SORBS2: variants seen among roughly 807,000 people sequenced by gnomAD.
The protein encoded by SORBS2 is sorbin and SH3 domain-containing protein 2.
SORBS2 carries 46 observed loss-of-function variants against 97.7 expected under a neutral mutation model. The ratio of observed to expected loss-of-function variants is 0.47; its 90% CI spans 0.37 to 0.60. SORBS2 has a LOEUF of 0.60. Among genes scored for constraint, SORBS2 ranks in the 20% least tolerant of loss-of-function variants. The pLI is 0.00. For synonymous variants in SORBS2, 476 were observed against 473.4 expected, an observed-to-expected ratio of 1.01 and a Z score of -0.07; for missense variants, 1,316 against 1,282.3, an observed-to-expected ratio of 1.03 and a Z score of -0.40.
intron 4 of SORBS2, chr4:185,674,971 C>G (rs1004175208): frequency 6.6e-6 from 1 of 152,186 alleles, no homozygotes; most frequent in African/African-American, 2.4e-5. Flanking sequence ...TCCTGCCACA[C>G]ACAGACAAAT....
chr4:185,806,521 G>C (rs1431242268), intron 1 of SORBS2, among the ~76,000 whole-genome samples: 7 of 133,440 alleles, frequency 5.2e-5, no homozygotes, highest in Admixed American at 8.1e-5. Context: ...GCAGTGGCGG[G>C]ATCTCGGCTC....
At chr4:185,789,537 T>A (rs1166707568) in intron 1 of SORBS2, among the ~76,000 whole-genome samples, 1 of 150,650 alleles carries the variant, frequency 6.6e-6, no homozygotes, top group East Asian at 1.9e-4. Context: ...ATGGAATATA[T>A]TTATATATAA....
rs1281888977 is a variant in SORBS2 at position 185,731,896 on chromosome 4, ATATATATATATATG to A, written c.-198+43317_-198+43330del. The stretch of plus-strand genomic sequence containing the variant: ...TATATATATATATATATATATATAT[ATATATATATATATG>A]TCTGTTTCTCTGTCTCACTCTAGAT... On this transcript the variant is annotated intron_variant, in intron 2 of 20. Transcript: ENST00000284776. 1.1e-3 allele frequency among the ~76,000 whole-genome samples: 100 copies of A among 90,750 alleles called. 1 individual carries two copies. The highest frequency in any genetic ancestry group is 2.4e-3 in the African/African-American group (55 of 22,658). 59.5% of individuals were successfully genotyped at this position (90,750 alleles called of 152,430 possible).
chr4:185,862,898 A>G (rs1444772722), intron 1 of SORBS2, among the ~76,000 whole-genome samples: 1 of 152,100 alleles, frequency 6.6e-6, no homozygotes, highest in African/African-American at 2.4e-5. Flanking sequence ...GGCAGCTGGT[A>G]CAATTTGTTA....
chr4:185,941,261 G>A (rs573726227), intron 1 of SORBS2, among the ~76,000 whole-genome samples: 2 of 152,280 alleles, frequency 1.3e-5, no homozygotes, highest in East Asian at 1.9e-4. Flanking sequence ...ATTAAGGCAG[G>A]AAAAGGTTAA....
chr4:185,909,193 T>C (rs1030740369), intron 1 of SORBS2, among the ~76,000 whole-genome samples: 20 of 152,314 alleles, frequency 1.3e-4, no homozygotes, highest in Middle Eastern at 3.4e-3. Context: ...GTGGTATATA[T>C]ACAATGGAAT....
intron 1 of SORBS2, among the ~76,000 whole-genome samples, chr4:185,813,640 C>T (rs1017183895): frequency 1.3e-5 from 2 of 152,242 alleles, no homozygotes; most frequent in Non-Finnish European, 2.9e-5. Context: ...CCTTGCCCTG[C>T]AGATGCTGCT....
intron 4 of SORBS2, among the ~76,000 whole-genome samples, chr4:185,667,687 G>GATATAT (rs887494705): frequency 0.032 from 229 of 7,122 alleles, 1 homozygote; most frequent in Admixed American, 0.067. Context: ...TTTTAAATGT[G>GATATAT]ATATATATAT....
intron 2 of SORBS2, among the ~76,000 whole-genome samples, chr4:185,694,397 AG>A (rs2153522663): frequency 6.6e-6 from 1 of 152,354 alleles, no homozygotes; most frequent in South Asian, 2.1e-4. Context: ...CTTGAGCCTT[AG>A]CAGACAATCC....
intron 4 of SORBS2, among the ~76,000 whole-genome samples, chr4:185,670,082 G>C (rs755965263): frequency 6.6e-6 from 1 of 152,020 alleles, no homozygotes; most frequent in Non-Finnish European, 1.5e-5. Context: ...AGCCAGGCGT[G>C]ATGGCAGGTG....
intron 1 of SORBS2, among the ~76,000 whole-genome samples, chr4:185,828,748 C>T (rs1476001384): frequency 6.6e-6 from 1 of 152,154 alleles, no homozygotes. Context: ...TGCCCCTCTA[C>T]TGCCATTCCT....
chr4:185,911,283 A>G (rs1277869563), intron 1 of SORBS2, among the ~76,000 whole-genome samples: 4 of 152,152 alleles, frequency 2.6e-5, no homozygotes, highest in African/African-American at 9.7e-5. Flanking sequence ...GCTGGAGTGC[A>G]GTGGCATGAT....
At chr4:185,721,975 G>GA (rs1291545253) in intron 2 of SORBS2, among the ~76,000 whole-genome samples, 2 of 151,726 alleles carry the variant, frequency 1.3e-5, no homozygotes, top group African/African-American at 4.8e-5. Context: ...AGTCAAGGAA[G>GA]AAAAAAAATG....
intron 2 of SORBS2, among the ~76,000 whole-genome samples, chr4:185,766,988 A>T (rs965360029): frequency 7.2e-5 from 11 of 152,060 alleles, no homozygotes; most frequent in Non-Finnish European, 1.5e-4. Context: ...AAACTGTGTC[A>T]ATTTCCTAAC....
At chr4:185,605,138 G>A (rs62344736) in intron 12 of SORBS2, among the ~76,000 whole-genome samples, 7,974 of 152,240 alleles carry the variant, frequency 0.052, 310 homozygotes, top group Middle Eastern at 0.12. Context: ...AGGCCTGGCC[G>A]GGTTATTTTG....
In SORBS2 at chr4:185,599,854, A is replaced by G. The variant is rs116673301; in HGVS notation, c.2797-5919T>C. Among the ~76,000 whole-genome samples the G allele has an allele frequency of 4.6e-3, 704 of 152,198 alleles. 5 individuals are homozygous for G. Among genetic ancestry groups the G allele is most frequent in the African/African-American group, 0.016 (660 of 41,526 alleles). ...GTGTCTCCAGCCTCACTTTAAGGCCAGTTCACAGCAAAGACAACTAAGGAA... is the reference window on the plus strand; with the variant it reads ...GTGTCTCCAGCCTCACTTTAAGGCCGGTTCACAGCAAAGACAACTAAGGAA... On this transcript the variant is annotated intron_variant, in intron 12 of 14. Coordinates refer to ENST00000418609, the Ensembl canonical transcript of SORBS2.
At chr4:185,859,729 C>T (rs2603736) in intron 1 of SORBS2, among the ~76,000 whole-genome samples, 4,239 of 152,182 alleles carry the variant, frequency 0.028, 217 homozygotes, top group African/African-American at 0.097. Context: ...TGTTTCTCAC[C>T]GCCCAGGGCA....
At chr4:185,754,765 C>T (rs182232128) in intron 2 of SORBS2, among the ~76,000 whole-genome samples, 372 of 152,302 alleles carry the variant, frequency 2.4e-3, no homozygotes, top group African/African-American at 8.6e-3. Context: ...CTCCACCATA[C>T]CATGGGGTCT....
At chr4:185,709,665 C>A (rs1288000741) in intron 2 of SORBS2, among the ~76,000 whole-genome samples, 2 of 152,052 alleles carry the variant, frequency 1.3e-5, no homozygotes, top group African/African-American at 4.8e-5. Context: ...TAGATCCTGT[C>A]CTCTGTTAGC....
Sources: gnomAD v4.1 joint callset for allele counts (sites outside exome capture counted in the v4.1 genomes callset) on GRCh38, gnomAD v4.1.1 for gene constraint, MANE v1.5 for transcripts, NCBI Gene and HGNC (gene_info 2026-07-23, HGNC 2026-07-21) for gene names.